RBMS3: variants seen among roughly 807,000 people sequenced by gnomAD.
The protein encoded by RBMS3 is RNA binding motif single stranded interacting protein 3.
Under a neutral mutation model 66.8 loss-of-function variants are expected in RBMS3, and 27 were observed. The ratio of observed to expected loss-of-function variants is 0.40; its 90% confidence interval spans 0.30 to 0.56. RBMS3 has a LOEUF of 0.56. RBMS3 is among the 20% of genes least tolerant of loss of function. The pLI, the probability that RBMS3 is intolerant of heterozygous loss-of-function variation, is 0.40. For missense variants in RBMS3, 513 were observed against 549.5 expected, an observed-to-expected ratio of 0.93 and a Z score of 0.66; for synonymous variants, 188 against 183.0, an observed-to-expected ratio of 1.03 and a Z score of -0.22.
chr3:29,844,227 T>G (rs1482574551), intron 6 of RBMS3, among the ~76,000 whole-genome samples: 1 of 152,268 alleles, frequency 6.6e-6, no homozygotes, highest in South Asian at 2.1e-4. Context: ...CTGAGAAAGC[T>G]CTTTGTTTTT....
chr3:29,995,380 C>T (rs1263512059), intron 14 of RBMS3, among the ~76,000 whole-genome samples: 2 of 152,184 alleles, frequency 1.3e-5, no homozygotes, highest in East Asian at 1.9e-4. Context: ...TCTAGCAAGG[C>T]AGGCCAACGT....
intron 4 of RBMS3, among the ~76,000 whole-genome samples, chr3:29,611,372 A>G (rs1007642071): frequency 5.3e-5 from 8 of 152,030 alleles, no homozygotes; most frequent in Non-Finnish European, 8.8e-5. Flanking sequence ...AAAAGGAGTC[A>G]TTTAGAGGTC....
At chr3:29,738,837 G>A (rs2054493725) in intron 4 of RBMS3, among the ~76,000 whole-genome samples, 2 of 152,300 alleles carry the variant, frequency 1.3e-5, no homozygotes, top group South Asian at 4.1e-4. Context: ...TCTAGTGGAA[G>A]GCAGTAGACC....
chr3:29,669,253 C>T (rs1200223113), intron 4 of RBMS3, among the ~76,000 whole-genome samples: 1 of 152,196 alleles, frequency 6.6e-6, no homozygotes, highest in Non-Finnish European at 1.5e-5. Flanking sequence ...TACGGCTTTA[C>T]CTCACCTACT....
intron 3 of RBMS3, among the ~76,000 whole-genome samples, chr3:29,513,838 A>G (rs2044508927): frequency 6.6e-6 from 1 of 152,150 alleles, no homozygotes; most frequent in Non-Finnish European, 1.5e-5. Context: ...ATTTCATTCT[A>G]TACTTTCCTT....
At chr3:29,776,441 T>C (rs1318667298) in intron 6 of RBMS3, among the ~76,000 whole-genome samples, 2 of 151,974 alleles carry the variant, frequency 1.3e-5, no homozygotes, top group African/African-American at 4.8e-5. Flanking sequence ...ATGCTATCCC[T>C]CCAACATGGT....
At chr3:29,767,763 T>C (rs539361825) in intron 6 of RBMS3, among the ~76,000 whole-genome samples, 18 of 152,070 alleles carry the variant, frequency 1.2e-4, no homozygotes, top group African/African-American at 3.6e-4. Flanking sequence ...ATCGACAACA[T>C]ATTTAAATGC....
At chr3:29,626,925 G>C (rs2049082323) in intron 4 of RBMS3, among the ~76,000 whole-genome samples, 1 of 152,142 alleles carries the variant, frequency 6.6e-6, no homozygotes. Flanking sequence ...TATATGCAAA[G>C]TGCCAAGGGC....
chr3:29,940,728 T>C (rs2061371954), intron 11 of RBMS3, among the ~76,000 whole-genome samples: 1 of 150,068 alleles, frequency 6.7e-6, no homozygotes, highest in Non-Finnish European at 1.5e-5. Flanking sequence ...TTCAATTCTC[T>C]ATTTTAAGCT....
At chr3:29,711,526 G>A (rs1345220193) in intron 4 of RBMS3, among the ~76,000 whole-genome samples, 1 of 152,088 alleles carries the variant, frequency 6.6e-6, no homozygotes, top group African/African-American at 2.4e-5. Flanking sequence ...ATACAGTCAT[G>A]AAATTTAGAA....
At chr3:29,804,920 CGTGTGTGTGTGTGTGTGT>C (rs10576635) in intron 6 of RBMS3, among the ~76,000 whole-genome samples, 2 of 146,274 alleles carry the variant, frequency 1.4e-5, no homozygotes, top group Middle Eastern at 3.3e-3. Context: ...TCTGCGTGTA[CGTGTGTGTGTGTGTGTGT>C]GTGTGTGTGT....
intron 6 of RBMS3, among the ~76,000 whole-genome samples, chr3:29,805,765 T>C (rs1229281444): frequency 3.9e-5 from 6 of 152,034 alleles, no homozygotes; most frequent in Admixed American, 3.3e-4. Context: ...AGAGTCAAAA[T>C]TTAAAAAGAT....
At position 29,419,986 on chromosome 3, in the gene RBMS3, C is replaced by G. The variant is rs536099502; in HGVS notation, c.76-14757C>G. On this transcript the variant is annotated intron_variant, in intron 1 of 14. Coordinates refer to ENST00000383767, the MANE Select transcript of RBMS3 (RefSeq NM_001003793.3). ...CAATTTAGCTTCTTACCGTTGGTGT[C>G]TCTGTTTTCATTCTGCTTAAGATGT... 2.0e-5 allele frequency among the ~76,000 whole-genome samples: 3 copies of G among 152,196 alleles called. No individual in the cohort carries two copies. The South Asian group carries it at 6.2e-4, about 32-fold the overall frequency.
At chr3:29,850,200 A>G (rs1163473503) in intron 6 of RBMS3, among the ~76,000 whole-genome samples, 4 of 152,334 alleles carry the variant, frequency 2.6e-5, no homozygotes, top group East Asian at 3.9e-4. Flanking sequence ...AGTGAAAAAC[A>G]CAGAGAGAAA....
chr3:29,640,286 C>CACACACACACACA (rs879853761), intron 4 of RBMS3, among the ~76,000 whole-genome samples: 1 of 122,944 alleles, frequency 8.1e-6, no homozygotes, highest in African/African-American at 3.1e-5. Context: ...ACACACACAC[C>CACACACACACACA]CACACACACA....
At chr3:29,588,501 C>T (rs2047611937) in intron 4 of RBMS3, among the ~76,000 whole-genome samples, 1 of 152,068 alleles carries the variant, frequency 6.6e-6, no homozygotes, top group African/African-American at 2.4e-5. Context: ...TTGGTTTCTT[C>T]ATCTTCAGTT....
At chr3:29,501,332 CT>C (rs1192201148) in intron 3 of RBMS3, among the ~76,000 whole-genome samples, 9 of 152,286 alleles carry the variant, frequency 5.9e-5, no homozygotes, top group Non-Finnish European at 1.5e-5. Context: ...CTCTGTGCGT[CT>C]TTCAAAAGTT....
At chr3:29,671,801 A>C (rs12715159) in intron 4 of RBMS3, among the ~76,000 whole-genome samples, 70,441 of 152,034 alleles carry the variant, frequency 0.46, 16,938 homozygotes, top group South Asian at 0.57. Context: ...CCAAATCTAC[A>C]TCTGATTGGT....
chr3:29,729,557 C>T (rs183109592), intron 4 of RBMS3, among the ~76,000 whole-genome samples: 251 of 152,228 alleles, frequency 1.6e-3, no homozygotes, highest in Non-Finnish European at 2.8e-3. Flanking sequence ...CTTGAGGAAT[C>T]GCCACACTGT....
Sources: gnomAD v4.1 joint callset for allele counts (sites outside exome capture counted in the v4.1 genomes callset) on GRCh38, gnomAD v4.1.1 for gene constraint, MANE v1.5 for transcripts, NCBI Gene and HGNC (gene_info 2026-07-23, HGNC 2026-07-21) for gene names.